Variants in TGFBR2 observed in about 807,000 individuals in gnomAD.
The protein encoded by TGFBR2 is transforming growth factor beta receptor 2, also known as TGF-beta receptor type-2.
In TGFBR2, 18 loss-of-function variants were observed where a neutral mutation model predicts 49.0. That is an observed-to-expected ratio of 0.37 (90% CI 0.25 to 0.54). The LOEUF (loss-of-function observed/expected upper bound fraction) is 0.54. Among genes scored for constraint, TGFBR2 ranks in the 20% least tolerant of loss-of-function variants. TGFBR2 has a pLI of 0.85. For synonymous variants in TGFBR2, 282 were observed against 275.9 expected, an observed-to-expected ratio of 1.02 and a Z score of -0.22; for missense variants, 525 against 722.6, an observed-to-expected ratio of 0.73 and a Z score of 3.13.
At chr3:30,619,820 T>C (rs1698195074) in intron 1 of TGFBR2, among the ~76,000 whole-genome samples, 1 of 152,140 alleles carries the variant, frequency 6.6e-6, no homozygotes, top group African/African-American at 2.4e-5. Flanking sequence ...GCCCATAGCC[T>C]CTCCGACAAG....
intron 3 of TGFBR2, among the ~76,000 whole-genome samples, chr3:30,656,718 G>A (rs911482164): frequency 6.6e-5 from 10 of 152,184 alleles, no homozygotes; most frequent in African/African-American, 2.4e-4. Context: ...ACTTAGAACT[G>A]AACTGCTTAT....
chr3:30,693,818 C>T lies in TGFBR2; in HGVS notation c.*2219C>T. 1 of 231,694 alleles carries T rather than the reference C, an allele frequency of 4.3e-6. No individual in the cohort carries two copies. Among genetic ancestry groups the T allele is most frequent in the Non-Finnish European group, 8.5e-6 (1 of 117,304 alleles). The allele number at this position is 231,694 out of a possible 1,614,324, so 14.4% of individuals were successfully genotyped here. A position where few individuals can be genotyped will look rare whatever the true frequency, so the allele number is the denominator to read the frequency against. On this transcript the variant is annotated 3_prime_UTR_variant, in exon 7 of 7. Transcript: ENST00000295754. ...AACTGGAATGTAGTGTCAGAGGATA[C>T]TGTGGCTTGTTTTGTTTATGTTTTT...
intron 3 of TGFBR2, among the ~76,000 whole-genome samples, chr3:30,667,329 T>C (rs956340342): frequency 6.6e-6 from 1 of 152,182 alleles, no homozygotes; most frequent in Non-Finnish European, 1.5e-5. Flanking sequence ...CCAACAGCTG[T>C]TGGGTTTTCT....
chr3:30,622,879 C>CAAAAAAAAAAAAAAAAAAAAAAAAAAAA, intron 1 of TGFBR2, among the ~76,000 whole-genome samples: 1 of 75,624 alleles, frequency 1.3e-5, no homozygotes, highest in Non-Finnish European at 2.3e-5. Context: ...GACTTTGTCT[C>CAAAAAAAAAAAAAAAAAAAAAAAAAAAA]AAAAAAAAAA....
At chr3:30,650,244 GC>G in intron 2 of TGFBR2, 25 bp from the exon 3 acceptor site, 1 of 1,609,196 alleles carries the variant, frequency 6.2e-7, no homozygotes, top group Middle Eastern at 1.7e-4. Flanking sequence ...CTCTCCCCTC[GC>G]TTCCAATGAA....
At position 30,689,721 on chromosome 3, in the gene TGFBR2, A is replaced by G. The variant is rs77449763; in HGVS notation, c.1524+1210A>G. 4.6e-3 allele frequency among the ~76,000 whole-genome samples: 701 copies of G among 152,352 alleles called. 3 individuals carry two copies. The highest frequency in any genetic ancestry group is 0.016 in the African/African-American group (669 of 41,580). On this transcript the variant is annotated intron_variant, in intron 6 of 6. Coordinates refer to ENST00000295754, the MANE Select transcript of TGFBR2 (RefSeq NM_003242.6). ...AATATTTTGCATAAATTCTGAAATC[A>G]GAATGTGCTGGAGTGTTATGTTTCT...
chr3:30,625,014 CCTTTTT>C (rs1698305828), intron 1 of TGFBR2, among the ~76,000 whole-genome samples: 1 of 152,106 alleles, frequency 6.6e-6, no homozygotes, highest in South Asian at 2.1e-4. Flanking sequence ...TTCAGTGTTA[CCTTTTT>C]CTGAACGCCC....
rs1317335837 is a variant in TGFBR2 at position 30,629,293 on chromosome 3, G to A, written c.95-15454G>A. ...AAATCCATGTGTCCTCATGGCTACT[G>A]TGTAGCTCTATCTAGATTATGCCCT... is the stretch of plus-strand genomic sequence containing the variant. On this transcript the variant is annotated intron_variant, in intron 1 of 6. Coordinates refer to ENST00000295754, the MANE Select transcript of TGFBR2 (RefSeq NM_003242.6). Among the ~76,000 whole-genome samples, 6 of 152,212 alleles carry A rather than the reference G, an allele frequency of 3.9e-5. No individual in the cohort carries two copies. The East Asian group carries it at 9.6e-4, about 24-fold the overall frequency.
At chr3:30,616,794 G>A (rs1460881572) in intron 1 of TGFBR2, among the ~76,000 whole-genome samples, 1 of 151,650 alleles carries the variant, frequency 6.6e-6, no homozygotes, top group Non-Finnish European at 1.5e-5. Context: ...AAAAAGAGAA[G>A]AAAAAAAACC....
chr3:30,646,345 G>T (rs534563095), intron 2 of TGFBR2, among the ~76,000 whole-genome samples: 1 of 152,304 alleles, frequency 6.6e-6, no homozygotes, highest in South Asian at 2.1e-4. Flanking sequence ...TCAAAGAAAG[G>T]ATTTGGACAA....
chr3:30,663,099 T>G (rs1478431415), intron 3 of TGFBR2, among the ~76,000 whole-genome samples: 4 of 152,292 alleles, frequency 2.6e-5, no homozygotes, highest in Non-Finnish European at 2.9e-5. Context: ...CCAACAAAAT[T>G]TTTAAAGGTA....
intron 5 of TGFBR2, among the ~76,000 whole-genome samples, chr3:30,675,138 C>T (rs904698912): frequency 6.6e-6 from 1 of 152,168 alleles, no homozygotes; most frequent in Non-Finnish European, 1.5e-5. Flanking sequence ...TTTCCTGACT[C>T]TCTTCTCAGT....
chr3:30,636,207 CT>C (rs1698527258), intron 1 of TGFBR2, among the ~76,000 whole-genome samples: 1 of 121,268 alleles, frequency 8.2e-6, no homozygotes, highest in Admixed American at 8.5e-5. Flanking sequence ...GTGTATAGTA[CT>C]GGGATTACAG....
intron 5 of TGFBR2, 150 bp downstream of exon 5, chr3:30,674,396 G>A (rs1699396884): frequency 1.8e-6 from 2 of 1,124,478 alleles, no homozygotes; most frequent in Admixed American, 1.9e-5. Flanking sequence ...ACTATTTGGG[G>A]TTATGCTAAA....
At position 30,676,391 on chromosome 3, in the gene TGFBR2, G is replaced by A. The variant is rs1699438073; in HGVS notation, c.1396+2145G>A. 6.6e-6 allele frequency among the ~76,000 whole-genome samples: 1 copy of A among 152,068 alleles called. No homozygotes were observed. Among genetic ancestry groups the A allele is most frequent in the Non-Finnish European group, 1.5e-5 (1 of 68,018 alleles). ...TGCCTATAACAATTATTACTATAAT[G>A]TTTACTTAAGGAAGATTTTCTGTTT... On this transcript the variant is annotated intron_variant, in intron 5 of 6. Transcript: ENST00000295754. This position sits in a 1 kb window ranked among gnomAD's most constrained non-coding sequence, Gnocchi z 4.3.
rs2125410022 is a variant in TGFBR2, at chr3:30,650,315, C to T, written c.309C>T (p.Asp103=). 6.2e-7 allele frequency: 1 copy of T among 1,614,000 alleles called. No individual in the cohort carries two copies. Among genetic ancestry groups the T allele is most frequent in the Non-Finnish European group, 8.5e-7 (1 of 1,179,956 alleles). The stretch of plus-strand genomic sequence containing the variant: ...TAACACTAGAGACAGTTTGCCATGA[C>T]CCCAAGCTCCCCTACCATGACTTTA... ...ENITLETVCH[D]PKLPYHDFIL... Residue 103 remains aspartate (D), a synonymous_variant, in exon 3 of 7, where the codon GAC becomes GAT. Coordinates refer to ENST00000295754, the MANE Select transcript of TGFBR2 (RefSeq NM_003242.6).
intron 1 of TGFBR2, among the ~76,000 whole-genome samples, chr3:30,613,472 C>T (rs1698068610): frequency 6.6e-6 from 1 of 152,004 alleles, no homozygotes; most frequent in South Asian, 2.1e-4. Context: ...GTTGTGCAAT[C>T]TCTGCACGAG....
intron 3 of TGFBR2, among the ~76,000 whole-genome samples, chr3:30,661,305 G>A (rs1699123576): frequency 6.6e-6 from 1 of 152,142 alleles, no homozygotes; most frequent in Non-Finnish European, 1.5e-5. Flanking sequence ...TCTCTTTGTG[G>A]GAGGACAGAT....
chr3:30,641,914 CCT>C (rs149854282), intron 1 of TGFBR2, among the ~76,000 whole-genome samples: 1 of 151,814 alleles, frequency 6.6e-6, no homozygotes, highest in Non-Finnish European at 1.5e-5. Context: ...TCCCTTCCTT[CCT>C]CTCTCTCTCC....
Sources: allele counts gnomAD v4.1 joint callset (sites outside exome capture counted in the v4.1 genomes callset), GRCh38; gene constraint gnomAD v4.1.1; non-coding constraint Gnocchi (gnomAD v3.1); transcripts MANE v1.5; gene names NCBI Gene and HGNC (gene_info 2026-07-23, HGNC 2026-07-21).